Variants in SLC25A39 observed in about 807,000 individuals in gnomAD.
SLC25A39 encodes solute carrier family 25 member 39.
SLC25A39 carries 44 observed loss-of-function variants against 46.6 expected under a neutral mutation model. The ratio of observed to expected loss-of-function variants is 0.94; its 90% CI spans 0.74 to 1.21. SLC25A39 has a LOEUF of 1.21. Ranked by LOEUF, SLC25A39 falls within the 50% of genes most tolerant of loss-of-function variation. The probability of loss-of-function intolerance (pLI) is 0.00; values close to 1 mark genes in which losing one functional copy is unlikely to be tolerated. For synonymous variants in SLC25A39, 218 were observed against 190.6 expected, an observed-to-expected ratio of 1.14 and a Z score of -1.19; for missense variants, 487 against 473.0, an observed-to-expected ratio of 1.03 and a Z score of -0.28.
At chr17:44,321,929 G>A (rs1309892264) in intron 5 of SLC25A39, among the ~76,000 whole-genome samples, 162 bp from the exon 6 acceptor site, 1 of 152,164 alleles carries the variant, frequency 6.6e-6, no homozygotes, top group African/African-American at 2.4e-5. Flanking sequence ...CTGGGTCCAG[G>A]CGGACACCTG....
intron 4 of SLC25A39, 119 bp downstream of exon 4, chr17:44,322,689 C>T (rs532010769): frequency 1.3e-6 from 2 of 1,559,098 alleles, no homozygotes; most frequent in South Asian, 1.2e-5. Flanking sequence ...GACTGGCTGG[C>T]AGGACCTGGG....
Position 44,322,448 on chromosome 17 carries a change from G to A in SLC25A39, c.295C>T (p.Gln99Ter). The A allele has an allele frequency of 3.7e-6, 6 of 1,614,164 alleles. No homozygotes were observed. The highest frequency in any genetic ancestry group is 4.2e-6 in the Non-Finnish European group (5 of 1,180,026). The change falls in exon 5 of 12, where the codon CAA (glutamine) becomes TAA (stop). Residue 99 changes from glutamine (Q) to a stop codon, truncating the protein, a stop_gained. Transcript: ENST00000377095. LOFTEE classifies it high-confidence loss of function. ...GTGCCAGTGAAGCGGGTAGGGTCTT[G>A]AAACCAGGTGGCACAGCGGGCACCA... is the stretch of plus-strand genomic sequence containing the variant. The part of the protein sequence containing the change: ...PNGARCATWF[Q>*]DPTRFTGTMD...
rs754043641 is a variant in SLC25A39, at chr17:44,321,763, G to C, written c.329C>G (p.Ala110Gly). ...DPTRFTGTMD[A>G]FVKIVRHEGT... is the part of the protein sequence containing the mutation. ...CTCGTGCCTCACGATCTTCACGAAGGCATCCTGGCCAAGCAGGCACCAGCC... is the reference window on the plus strand; with the variant it reads ...CTCGTGCCTCACGATCTTCACGAAGCCATCCTGGCCAAGCAGGCACCAGCC... Residue 110 changes from alanine (A) to glycine (G), a missense_variant, in exon 6 of 12, where the codon GCC becomes GGC. Physicochemically the swap from Ala to Gly is moderately conservative, Grantham distance 60. Coordinates refer to ENST00000377095, the MANE Select transcript of SLC25A39 (RefSeq NM_001143780.3). The C allele has an allele frequency of 1.1e-5, 17 of 1,611,578 alleles. No homozygotes were observed. Among genetic ancestry groups the C allele is most frequent in the Non-Finnish European group, 1.4e-5 (16 of 1,178,716 alleles).
chr17:44,322,784 C>A (rs746892088), intron 4 of SLC25A39, 24 bp downstream of exon 4: 2 of 1,613,834 alleles, frequency 1.2e-6, no homozygotes, highest in African/African-American at 2.7e-5. Flanking sequence ...CCCTCCCATG[C>A]TCCCTGTGGC....
At position 44,320,161 on chromosome 17, in the gene SLC25A39, C is replaced by T. The variant is rs536910100; in HGVS notation, c.964+35G>A. 117 of 1,613,670 alleles carry T rather than the reference C, an allele frequency of 7.3e-5. 1 individual carries two copies. Among genetic ancestry groups the T allele is most frequent in the South Asian group, 6.7e-4 (61 of 91,076 alleles). On this transcript the variant is annotated intron_variant, in intron 11 of 11. Transcript: ENST00000377095. ...CGTGTCAGGGGTCAGGTCGCAGGTC[C>T]GCCATGCCCCCACCCCCGACACCCA...
chr17:44,320,827 A>G, intron 8 of SLC25A39, 96 bp from the exon 9 acceptor site: 1 of 1,083,408 alleles, frequency 9.2e-7, no homozygotes, highest in South Asian at 1.4e-5. Context: ...CCCAGCTGTG[A>G]GTCTTGTCTG....
At chr17:44,320,768 G>T in intron 8 of SLC25A39, 37 bp from the exon 9 acceptor site, 1 of 1,534,478 alleles carries the variant, frequency 6.5e-7, no homozygotes, top group Non-Finnish European at 9.0e-7. Context: ...AGACGGGAAG[G>T]GCAAGGAAGT....
At chr17:44,323,791 A>C (rs945617459) in intron 1 of SLC25A39, 4 of 567,530 alleles carry the variant, frequency 7.0e-6, no homozygotes, top group East Asian at 3.0e-5. Context: ...ACAGGCGCGC[A>C]CCACCACGCC....
In SLC25A39 at chr17:44,321,571, A is replaced by G; in HGVS notation, c.393-13T>C. 1 of 1,613,570 alleles carries G rather than the reference A, an allele frequency of 6.2e-7. No homozygotes were observed. Among genetic ancestry groups the G allele is most frequent in the Admixed American group, 1.7e-5 (1 of 59,974 alleles). On this transcript the variant is annotated splice_polypyrimidine_tract_variant and intron_variant, in intron 6 of 11. Coordinates refer to ENST00000377095, the MANE Select transcript of SLC25A39 (RefSeq NM_001143780.3). Reference sequence around the variant, plus strand: ...CACAGTCATCACCCTGGGGATACAGAGAGAGGTTAGCTGGGACTCCCAAAA... The same window carrying G: ...CACAGTCATCACCCTGGGGATACAGGGAGAGGTTAGCTGGGACTCCCAAAA...
chr17:44,323,764 C>T, intron 1 of SLC25A39, 187 bp from the exon 2 acceptor site: 1 of 586,318 alleles, frequency 1.7e-6, no homozygotes, highest in South Asian at 2.1e-5. Context: ...GCTTCAGCCT[C>T]CCAAGTAGCT....
At chr17:44,322,679 G>A in intron 4 of SLC25A39, 127 bp from the exon 5 acceptor site, 1 of 1,557,420 alleles carries the variant, frequency 6.4e-7, no homozygotes, top group Non-Finnish European at 8.7e-7. Context: ...CAGGTCACAG[G>A]ACTGGCTGGC....
intron 3 of SLC25A39, 103 bp from the exon 4 acceptor site, chr17:44,322,955 C>A: frequency 7.9e-7 from 1 of 1,262,894 alleles, no homozygotes; most frequent in Non-Finnish European, 1.1e-6. Flanking sequence ...TGGAGTCTTG[C>A]TCTGTCGCCC....
Position 44,321,179 on chromosome 17 carries a change from C to A in SLC25A39, c.570G>T (p.Gln190His). Reference sequence around the variant, plus strand: ...GCTCCCGGTACGACACATGCTGAGCCTGCAGCTTTGTCCGCATAAGCTCCA... The same window carrying A: ...GCTCCCGGTACGACACATGCTGAGCATGCAGCTTTGTCCGCATAAGCTCCA... ...SPLELMRTKL[Q>H]AQHVSYRELG... Residue 190 changes from glutamine to histidine, a missense_variant, in exon 8 of 12, where the codon CAG becomes CAT. Physicochemically the swap from Gln to His is conservative, Grantham distance 24. Transcript: ENST00000377095. The A allele has an allele frequency of 6.2e-7, 1 of 1,613,188 alleles. No individual in the cohort carries two copies. The highest frequency in any genetic ancestry group is 1.6e-4 in the Middle Eastern group (1 of 6,062).
At position 44,319,976 on chromosome 17, in the gene SLC25A39, C is replaced by CGGGGTCCT; in HGVS notation, c.*17_*24dup. ...GCCCTCTCCCCATCCGTGGGAGAGA[C>CGGGGTCCT]GGGGTCCTTGCCTCCTTGCCCCTTT... On this transcript the variant is annotated 3_prime_UTR_variant, in exon 12 of 12. Transcript: ENST00000377095. 6.2e-7 allele frequency: 1 copy of CGGGGTCCT among 1,608,490 alleles called. No individual in the cohort carries two copies. Among genetic ancestry groups the CGGGGTCCT allele is most frequent in the Non-Finnish European group, 8.5e-7 (1 of 1,175,414 alleles).
intron 5 of SLC25A39, 80 bp from the exon 6 acceptor site, chr17:44,321,847 TTGC>T: frequency 7.0e-7 from 1 of 1,432,634 alleles, no homozygotes. Context: ...GGCTAGGCCT[TTGC>T]CTGACGCCCT....
chr17:44,322,551 C>T lies in SLC25A39; in HGVS notation c.192G>A (p.Leu64=). The change falls in exon 5 of 12, where the codon TTG becomes TTA. Residue 64 remains leucine, a splice_region_variant and synonymous_variant. Transcript: ENST00000377095. ...TCCCTGTGGATTGGAGAGAGGAGGG[C>T]ACTGGGGAAAGGCAGGGGGCATTAT... The part of the protein sequence containing the change: ...SRLWSLSYTK[L]PSSLQSTGKC... 1.2e-6 allele frequency: 2 copies of T among 1,614,004 alleles called. No individual in the cohort carries two copies. Among genetic ancestry groups the T allele is most frequent in the Non-Finnish European group, 8.5e-7 (1 of 1,179,976 alleles).
intron 1 of SLC25A39, 49 bp from the exon 2 acceptor site, chr17:44,323,626 G>A (rs1567872451): frequency 5.1e-6 from 7 of 1,370,270 alleles, no homozygotes; most frequent in Admixed American, 4.2e-5. Flanking sequence ...TGGCAGGAAA[G>A]GAGGCTGGGC....
intron 1 of SLC25A39, chr17:44,323,961 C>A (rs1043065805): frequency 3.1e-4 from 68 of 220,260 alleles, no homozygotes; most frequent in African/African-American, 1.5e-3. Context: ...TTTAACCCAA[C>A]CCTCATCCAC....
chr17:44,321,443 G>C lies in SLC25A39; in HGVS notation c.508C>G (p.Leu170Val), dbSNP rs1426841381. The change falls in exon 7 of 12, where the codon CTG becomes GTG. Residue 170 changes from leucine to valine, a missense_variant. By Grantham distance (32) the Leu-to-Val change is conservative. Coordinates refer to ENST00000377095, the MANE Select transcript of SLC25A39 (RefSeq NM_001143780.3). ...DLYAPMVAGA[L>V]ARLGTVTVIS... ...CCAAGACTATGCTCACGGCGGGCCAGCGCGCCAGCCACCATGGGTGCGTAG... is the reference window on the plus strand; with the variant it reads ...CCAAGACTATGCTCACGGCGGGCCACCGCGCCAGCCACCATGGGTGCGTAG... 5.6e-6 allele frequency: 9 copies of C among 1,613,810 alleles called. No individual in the cohort carries two copies. Among genetic ancestry groups the C allele is most frequent in the Non-Finnish European group, 7.6e-6 (9 of 1,179,980 alleles).
Sources: gnomAD v4.1 joint callset for allele counts (sites outside exome capture counted in the v4.1 genomes callset) on GRCh38, gnomAD v4.1.1 for gene constraint, MANE v1.5 for transcripts, NCBI Gene and HGNC (gene_info 2026-07-23, HGNC 2026-07-21) for gene names.